FABP1: variants seen among roughly 807,000 people sequenced by gnomAD.
FABP1 encodes fatty acid-binding protein, liver.
Under a neutral mutation model 13.7 loss-of-function variants are expected in FABP1, and 13 were observed. The ratio of observed to expected loss-of-function variants is 0.95; its 90% confidence interval spans 0.62 to 1.51. The LOEUF is 1.51. Among genes scored for constraint, FABP1 ranks in the 40% most tolerant of loss-of-function variants. The pLI is 0.00. For synonymous variants in FABP1, 48 were observed against 59.8 expected (o/e 0.80, Z 0.91); for missense variants, 140 against 155.7 (o/e 0.90, Z 0.54).
chr2:88,124,423 G>A (rs774365837), intron 3 of FABP1, 71 bp downstream of exon 3: 26 of 1,189,760 alleles, frequency 2.2e-5, no homozygotes, highest in East Asian at 4.9e-5. Context: ...TATGTGAGCC[G>A]CTCCCCATGC....
At chr2:88,127,267 T>A (rs1675315412) in intron 1 of FABP1, among the ~76,000 whole-genome samples, 1 of 152,176 alleles carries the variant, frequency 6.6e-6, no homozygotes, top group Admixed American at 6.5e-5. Context: ...CACATCCTCC[T>A]GTACATGACC....
intron 3 of FABP1, 159 bp downstream of exon 3, chr2:88,124,335 G>T: frequency 1.8e-6 from 1 of 568,120 alleles, no homozygotes; most frequent in Middle Eastern, 4.5e-4. Context: ...GGACATGATG[G>T]ATCCTCAGTA....
chr2:88,127,918 AC>A, intron 1 of FABP1, 32 bp downstream of exon 1: 1 of 1,610,558 alleles, frequency 6.2e-7, no homozygotes, highest in Non-Finnish European at 8.5e-7. Context: ...CACTGATGTG[AC>A]CCACAGCTTT....
chr2:88,126,482 C>T (rs1237328692), intron 1 of FABP1, 134 bp from the exon 2 acceptor site: 68 of 867,648 alleles, frequency 7.8e-5, no homozygotes, highest in Non-Finnish European at 1.2e-4. Context: ...CACAGAAACT[C>T]ACTGGGGGCT....
chr2:88,124,078 C>T (rs1675251594), intron 3 of FABP1: 1 of 167,338 alleles, frequency 6.0e-6, no homozygotes, highest in South Asian at 1.8e-4. Context: ...AGAAACACTG[C>T]ACCATTCACC....
At chr2:88,124,450 C>A (rs891558335) in intron 3 of FABP1, 44 bp downstream of exon 3, 9 of 1,475,788 alleles carry the variant, frequency 6.1e-6, no homozygotes, top group Non-Finnish European at 8.4e-6. Flanking sequence ...TCCCCTCTCC[C>A]CTCAAGCACT....
intron 1 of FABP1, 61 bp from the exon 2 acceptor site, chr2:88,126,409 G>A: frequency 6.4e-7 from 1 of 1,552,144 alleles, no homozygotes; most frequent in Non-Finnish European, 8.8e-7. Context: ...GACCGTGGTA[G>A]GTAGGTGAGA....
chr2:88,126,314 A>G lies in FABP1; in HGVS notation c.102T>C (p.Asp34=), dbSNP rs1558866435. The change falls in exon 2 of 4, where the codon GAT becomes GAC. Residue 34 remains aspartate (D), a synonymous_variant. Coordinates refer to ENST00000295834, the MANE Select transcript of FABP1 (RefSeq NM_001443.3). The part of the protein sequence containing the change: ...LPEELIQKGK[D]IKGVSEIVQN... Reference sequence around the variant, plus strand: ...GCACGATTTCCGACACCCCCTTGATATCCTTCCCCTTCTGGATGAGCTCTT... The same window carrying G: ...GCACGATTTCCGACACCCCCTTGATGTCCTTCCCCTTCTGGATGAGCTCTT... 6.2e-7 allele frequency: 1 copy of G among 1,613,882 alleles called. No homozygotes were observed. The highest frequency in any genetic ancestry group is 8.5e-7 in the Non-Finnish European group (1 of 1,179,846).
At chr2:88,124,808 C>T (rs1265369532) in intron 2 of FABP1, among the ~76,000 whole-genome samples, 2 of 152,104 alleles carry the variant, frequency 1.3e-5, no homozygotes, top group East Asian at 1.9e-4. Context: ...TAATTCATGG[C>T]ATGTGATCTA....
intron 2 of FABP1, among the ~76,000 whole-genome samples, chr2:88,125,505 C>T (rs535151541): frequency 6.6e-6 from 1 of 152,188 alleles, no homozygotes; most frequent in Admixed American, 6.5e-5. Context: ...GATCCCCCTG[C>T]CACCATCTGC....
chr2:88,124,419 A>C, intron 3 of FABP1, 75 bp downstream of exon 3: 1 of 1,139,174 alleles, frequency 8.8e-7, no homozygotes, highest in Non-Finnish European at 1.3e-6. Flanking sequence ...AGGGTATGTG[A>C]GCCGCTCCCC....
intron 2 of FABP1, 127 bp from the exon 3 acceptor site, chr2:88,124,713 C>A: frequency 3.2e-6 from 2 of 632,364 alleles, no homozygotes; most frequent in Non-Finnish European, 2.7e-6. Flanking sequence ...CCTATGATCC[C>A]AAGCCTCTAG....
chr2:88,123,786 T>C (rs2104033817), intron 3 of FABP1: 1 of 152,356 alleles, frequency 6.6e-6, no homozygotes, highest in Admixed American at 6.5e-5. Flanking sequence ...CCAGCCTCCC[T>C]CGAAGGAGAC....
rs1675330748 is a variant in FABP1 at position 88,127,945 on chromosome 2, A to C, written c.67+6T>G. ...CCACAGCTTTGCCTTTCAGTCCAGC[A>C]CTCACCGATTGCCTTCATGAAGGCT... is the stretch of plus-strand genomic sequence containing the variant. On this transcript the variant is annotated splice_donor_region_variant and intron_variant, in intron 1 of 3. Coordinates refer to ENST00000295834, the MANE Select transcript of FABP1 (RefSeq NM_001443.3). 5 of 1,614,112 alleles carry C rather than the reference A, an allele frequency of 3.1e-6. No individual in the cohort carries two copies. The highest frequency in any genetic ancestry group is 4.2e-6 in the Non-Finnish European group (5 of 1,179,984).
rs1675324461 is a variant in FABP1 at position 88,127,742 on chromosome 2, A to T, written c.67+209T>A. Among the ~76,000 whole-genome samples the T allele has an allele frequency of 2.0e-5, 3 of 152,214 alleles. 1 individual carries two copies. In the South Asian group the frequency reaches 6.2e-4, roughly 32 times the overall value. ...ATCAATCCAGACCACACCCTAGTTC[A>T]GTGCTCTTTCCACTTGCCTATGGGG... On this transcript the variant is annotated intron_variant, in intron 1 of 3. Coordinates refer to ENST00000295834, the MANE Select transcript of FABP1 (RefSeq NM_001443.3).
chr2:88,125,363 G>T (rs989877471), intron 2 of FABP1, among the ~76,000 whole-genome samples: 1 of 152,170 alleles, frequency 6.6e-6, no homozygotes, highest in African/African-American at 2.4e-5. Flanking sequence ...CAGAAATAAA[G>T]AGTGACCAGA....
At chr2:88,125,516 C>T (rs905452214) in intron 2 of FABP1, among the ~76,000 whole-genome samples, 1 of 152,196 alleles carries the variant, frequency 6.6e-6, no homozygotes, top group African/African-American at 2.4e-5. Flanking sequence ...CACCATCTGC[C>T]AACCACTCAC....
Position 88,126,231 on chromosome 2 carries a change from T to G in FABP1, c.185A>C (p.Glu62Ala). 2.5e-6 allele frequency: 4 copies of G among 1,612,718 alleles called. No individual in the cohort carries two copies. Residue 62 changes from glutamate (E) to alanine (A), a missense_variant, in exon 2 of 4, where the codon GAA becomes GCA. Glu to Ala is a moderately radical substitution (Grantham distance 107). Coordinates refer to ENST00000295834, the MANE Select transcript of FABP1 (RefSeq NM_001443.3). ...CTCACATTCCTCCCCCACCGTGAAT[T>G]CGTTTTGGATCACTTTGGACCCAGC... is the stretch of plus-strand genomic sequence containing the variant. ...ITAGSKVIQN[E>A]FTVGEECELE...
At chr2:88,126,563 CA>C (rs1675302198) in intron 1 of FABP1, 1 of 493,396 alleles carries the variant, frequency 2.0e-6, no homozygotes, top group African/African-American at 1.9e-5. Context: ...GCTATCTTGC[CA>C]GTCAATTTAT....
Sources: allele counts gnomAD v4.1 joint callset (sites outside exome capture counted in the v4.1 genomes callset), GRCh38; gene constraint gnomAD v4.1.1; transcripts MANE v1.5; gene names NCBI Gene and HGNC (gene_info 2026-07-23, HGNC 2026-07-21).